RGS6: variants seen among roughly 807,000 people sequenced by gnomAD.
RGS6 encodes the protein regulator of G-protein signaling 6.
A neutral mutation model predicts 78.5 loss-of-function variants in RGS6; 30 were observed. The ratio of observed to expected loss-of-function variants is 0.38; its 90% CI spans 0.29 to 0.52. The LOEUF (loss-of-function observed/expected upper bound fraction) is 0.52, where lower values mean the gene tolerates loss of function less well. Ranked by LOEUF, RGS6 falls within the 20% of genes least tolerant of loss-of-function variation. The pLI is 0.85. For synonymous variants in RGS6, 206 were observed against 206.0 expected, an observed-to-expected ratio of 1.00 and a Z score of 0.00; for missense variants, 495 against 609.7, an observed-to-expected ratio of 0.81 and a Z score of 1.98.
At chr14:71,911,889 A>G in the RGS6 span, among the ~76,000 whole-genome samples, 3 of 152,214 alleles carry the variant, frequency 2.0e-5, no homozygotes, top group Non-Finnish European at 4.4e-5. Flanking sequence ...TCAACAGATT[A>G]TAGGAGGAGC....
chr14:72,418,005 G>A (rs2093946242), intron 3 of RGS6, among the ~76,000 whole-genome samples: 1 of 152,038 alleles, frequency 6.6e-6, no homozygotes, highest in African/African-American at 2.4e-5. Context: ...AAACAAGTTA[G>A]GCTTTCCCTG....
At chr14:72,493,206 T>C (rs113875041) in intron 12 of RGS6, among the ~76,000 whole-genome samples, 7 of 151,906 alleles carry the variant, frequency 4.6e-5, no homozygotes, top group African/African-American at 1.7e-4. Flanking sequence ...CGTGAAAGAG[T>C]ATAATCAAAA....
chr14:72,505,355 T>C (rs2096785790), intron 13 of RGS6, among the ~76,000 whole-genome samples: 1 of 152,220 alleles, frequency 6.6e-6, no homozygotes, highest in Non-Finnish European at 1.5e-5. Context: ...AGTTCATAGA[T>C]GGCTGTCTTC....
At chr14:72,282,990 C>G (rs938197562) in intron 2 of RGS6, among the ~76,000 whole-genome samples, 1 of 152,134 alleles carries the variant, frequency 6.6e-6, no homozygotes, top group Non-Finnish European at 1.5e-5. Context: ...ATGGTTTTGA[C>G]TATTTTACAA....
chr14:72,002,653 A>G (rs150583458), intron 2 of RGS6, among the ~76,000 whole-genome samples: 3 of 152,298 alleles, frequency 2.0e-5, no homozygotes, highest in East Asian at 1.9e-4. Context: ...GCTAATGACA[A>G]TGATTATGGA....
At chr14:72,017,639 T>A (rs2087343355) in intron 2 of RGS6, among the ~76,000 whole-genome samples, 1 of 152,130 alleles carries the variant, frequency 6.6e-6, no homozygotes, top group Admixed American at 6.5e-5. Context: ...CAAAACAGGG[T>A]TGAACAGAGG....
intron 2 of RGS6, among the ~76,000 whole-genome samples, chr14:72,075,449 G>C (rs965752802): frequency 1.3e-5 from 2 of 152,094 alleles, no homozygotes; most frequent in African/African-American, 2.4e-5. Context: ...TTAAGATGAA[G>C]ATGGTACCTA....
the RGS6 span, among the ~76,000 whole-genome samples, chr14:72,592,771 T>C: frequency 6.6e-6 from 1 of 152,204 alleles, no homozygotes; most frequent in African/African-American, 2.4e-5. Flanking sequence ...ACATGTCTGC[T>C]ATGATGGATG....
chr14:71,906,957 GA>G, the RGS6 span, among the ~76,000 whole-genome samples: 9 of 152,206 alleles, frequency 5.9e-5, no homozygotes, highest in Middle Eastern at 3.2e-3. Flanking sequence ...CTGAGGTAGA[GA>G]AAATGCTGTA....
chr14:72,376,600 T>C (rs969551208), intron 3 of RGS6, among the ~76,000 whole-genome samples: 1 of 152,048 alleles, frequency 6.6e-6, no homozygotes, highest in Non-Finnish European at 1.5e-5. Context: ...AAGTCACATA[T>C]AAGGTAATCT....
intron 17 of RGS6, chr14:72,550,524 G>A: frequency 6.5e-7 from 1 of 1,535,734 alleles, no homozygotes; most frequent in Non-Finnish European, 8.7e-7. Context: ...ACTGGGAAAT[G>A]GAGATGGAGC....
intron 2 of RGS6, among the ~76,000 whole-genome samples, chr14:72,220,589 C>G (rs2046639719): frequency 6.6e-6 from 1 of 152,158 alleles, no homozygotes; most frequent in Non-Finnish European, 1.5e-5. Flanking sequence ...TTGGGAAACT[C>G]AAGTGGCTGC....
At chr14:72,290,752 G>A (rs1385547180) in intron 2 of RGS6, among the ~76,000 whole-genome samples, 1 of 152,170 alleles carries the variant, frequency 6.6e-6, no homozygotes, top group East Asian at 1.9e-4. Context: ...TGCTCAATTT[G>A]CACCTATGTT....
intron 2 of RGS6, among the ~76,000 whole-genome samples, chr14:72,293,805 C>T (rs796667092): frequency 6.6e-6 from 1 of 152,264 alleles, no homozygotes; most frequent in African/African-American, 2.4e-5. Flanking sequence ...CTTTGCAAAC[C>T]GTATAGTCTC....
chr14:72,297,434 T>A (rs2065077518), intron 2 of RGS6, among the ~76,000 whole-genome samples: 3 of 149,166 alleles, frequency 2.0e-5, no homozygotes, highest in South Asian at 4.2e-4. Context: ...TTATTATTTT[T>A]TTTTTATACT....
At chr14:71,877,442 A>G in the RGS6 span, among the ~76,000 whole-genome samples, 1 of 152,208 alleles carries the variant, frequency 6.6e-6, no homozygotes, top group African/African-American at 2.4e-5. Context: ...TCAATCACAG[A>G]TACCCTTTCT....
At chr14:72,490,240 C>A (rs2096560113) in intron 12 of RGS6, among the ~76,000 whole-genome samples, 1 of 152,170 alleles carries the variant, frequency 6.6e-6, no homozygotes, top group Admixed American at 6.5e-5. Context: ...ATGGGAGTTT[C>A]CCTGCACAAG....
chr14:72,538,906 C>T (rs563029143), intron 16 of RGS6, among the ~76,000 whole-genome samples: 3 of 152,390 alleles, frequency 2.0e-5, no homozygotes, highest in African/African-American at 7.2e-5. Context: ...GGCCTGTCCC[C>T]TCTGCTTTCA....
At chr14:72,024,689 C>G (rs1176899736) in intron 2 of RGS6, among the ~76,000 whole-genome samples, 1 of 152,172 alleles carries the variant, frequency 6.6e-6, no homozygotes, top group Non-Finnish European at 1.5e-5. Context: ...AACAAACTAG[C>G]TCAGCAGGCT....
Sources: allele counts gnomAD v4.1 joint callset (sites outside exome capture counted in the v4.1 genomes callset), GRCh38; gene constraint gnomAD v4.1.1; transcripts MANE v1.5; gene names NCBI Gene and HGNC (gene_info 2026-07-23, HGNC 2026-07-21).